Variants in NKAIN2 observed in about 807,000 individuals in gnomAD.
NKAIN2 encodes the protein sodium/potassium transporting ATPase interacting 2.
NKAIN2 carries 14 observed loss-of-function variants against 32.6 expected under a neutral mutation model. The ratio of observed to expected loss-of-function variants is 0.43; its 90% CI spans 0.28 to 0.67. The LOEUF is 0.67. Ranked by LOEUF, NKAIN2 falls within the 30% of genes least tolerant of loss-of-function variation. NKAIN2 has a pLI of 0.17. For synonymous variants in NKAIN2, 80 were observed against 87.2 expected (o/e 0.92, Z 0.46); for missense variants, 198 against 258.3 (o/e 0.77, Z 1.60).
At chr6:124,732,396 G>A (rs920142806) in intron 4 of NKAIN2, among the ~76,000 whole-genome samples, 1 of 152,008 alleles carries the variant, frequency 6.6e-6, no homozygotes, top group Non-Finnish European at 1.5e-5. Flanking sequence ...AGGCTAAGAG[G>A]CAAATAAGGA....
chr6:123,905,097 T>C (rs558949774), intron 1 of NKAIN2, among the ~76,000 whole-genome samples: 17 of 152,268 alleles, frequency 1.1e-4, no homozygotes, highest in Non-Finnish European at 1.8e-4. Flanking sequence ...AGTTGGGTTT[T>C]GTCAAGAATG....
chr6:124,572,505 A>G (rs1781165011), intron 3 of NKAIN2, among the ~76,000 whole-genome samples: 1 of 152,210 alleles, frequency 6.6e-6, no homozygotes. Flanking sequence ...TAAATTATTT[A>G]TTTTCAGAGA....
At chr6:124,664,137 T>C (rs1407147989) in intron 4 of NKAIN2, among the ~76,000 whole-genome samples, 1 of 151,846 alleles carries the variant, frequency 6.6e-6, no homozygotes, top group Admixed American at 6.6e-5. Context: ...TTGCTGGACA[T>C]GGTGGCGGAT....
At chr6:124,264,290 C>A (rs1404315302) in intron 1 of NKAIN2, among the ~76,000 whole-genome samples, 1 of 152,134 alleles carries the variant, frequency 6.6e-6, no homozygotes, top group African/African-American at 2.4e-5. Flanking sequence ...CTCACCTCAG[C>A]AACCACTCCT....
intron 2 of NKAIN2, among the ~76,000 whole-genome samples, chr6:124,323,784 CTTTTTTT>C (rs1188944631): frequency 3.5e-5 from 4 of 115,932 alleles, no homozygotes; most frequent in Admixed American, 8.7e-5. Flanking sequence ...TTAATTTTTT[CTTTTTTT>C]TTTTTTTTTT....
chr6:124,625,700 CTTTATTTATTTA>C (rs144587539), intron 3 of NKAIN2, among the ~76,000 whole-genome samples: 12 of 122,846 alleles, frequency 9.8e-5, no homozygotes, highest in Middle Eastern at 4.0e-3. Flanking sequence ...GCTGAAGATG[CTTTATTTATTTA>C]TTTATTTATT....
intron 3 of NKAIN2, among the ~76,000 whole-genome samples, chr6:124,560,243 T>G (rs1780639091): frequency 6.6e-6 from 1 of 152,130 alleles, no homozygotes; most frequent in Admixed American, 6.5e-5. Context: ...AGTGAGTCAG[T>G]TCTCTTGAGA....
At chr6:123,863,949 A>T (rs1233817477) in intron 1 of NKAIN2, among the ~76,000 whole-genome samples, 1 of 152,178 alleles carries the variant, frequency 6.6e-6, no homozygotes, top group African/African-American at 2.4e-5. Context: ...AGGAGTTCAG[A>T]TTTAACACTT....
At chr6:123,986,935 C>T (rs1014842311) in intron 1 of NKAIN2, among the ~76,000 whole-genome samples, 1 of 152,058 alleles carries the variant, frequency 6.6e-6, no homozygotes, top group Non-Finnish European at 1.5e-5. Flanking sequence ...AAGATGGAAT[C>T]CTTGGTGTGG....
intron 3 of NKAIN2, among the ~76,000 whole-genome samples, chr6:124,358,177 G>T (rs923756471): frequency 2.0e-5 from 3 of 152,116 alleles, no homozygotes; most frequent in South Asian, 2.1e-4. Flanking sequence ...GTCTATCATT[G>T]TTGGACATCT....
At chr6:124,382,181 C>T (rs1772675060) in intron 3 of NKAIN2, among the ~76,000 whole-genome samples, 1 of 151,774 alleles carries the variant, frequency 6.6e-6, no homozygotes, top group Admixed American at 6.6e-5. Flanking sequence ...TATATCCAAT[C>T]AATATATTAT....
chr6:124,668,247 C>A (rs929000932), intron 4 of NKAIN2, among the ~76,000 whole-genome samples: 3 of 152,240 alleles, frequency 2.0e-5, no homozygotes, highest in Admixed American at 2.0e-4. Flanking sequence ...TTGGTTAGTG[C>A]TAATTGCAAA....
At chr6:124,322,206 G>A (rs538055960) in intron 2 of NKAIN2, among the ~76,000 whole-genome samples, 3 of 152,216 alleles carry the variant, frequency 2.0e-5, no homozygotes, top group East Asian at 3.9e-4. Context: ...AAATTATAGA[G>A]CATTACACTT....
At chr6:124,153,869 T>C (rs1787852083) in intron 1 of NKAIN2, among the ~76,000 whole-genome samples, 1 of 151,548 alleles carries the variant, frequency 6.6e-6, no homozygotes, top group Non-Finnish European at 1.5e-5. Flanking sequence ...TACATAAATA[T>C]AATGAGAGTG....
chr6:124,707,165 T>C (rs1775130956), intron 4 of NKAIN2, among the ~76,000 whole-genome samples: 1 of 152,134 alleles, frequency 6.6e-6, no homozygotes, highest in Admixed American at 6.5e-5. Context: ...ACAAAGGACA[T>C]GAACTCATCA....
chr6:123,941,487 A>G (rs1431188329), intron 1 of NKAIN2, among the ~76,000 whole-genome samples: 1 of 151,804 alleles, frequency 6.6e-6, no homozygotes, highest in Non-Finnish European at 1.5e-5. Context: ...TCTCACCGCT[A>G]TGTTATGATG....
intron 1 of NKAIN2, among the ~76,000 whole-genome samples, chr6:123,846,449 A>C (rs1053515458): frequency 6.6e-5 from 10 of 152,178 alleles, no homozygotes; most frequent in African/African-American, 2.2e-4. Context: ...TAAAATCTCT[A>C]CCCCATGGGT....
At chr6:124,701,177 A>ACACC (rs1774772376) in intron 4 of NKAIN2, among the ~76,000 whole-genome samples, 1 of 150,744 alleles carries the variant, frequency 6.6e-6, no homozygotes, top group African/African-American at 2.4e-5. Context: ...ACACACACAC[A>ACACC]CCGGATGACA....
intron 3 of NKAIN2, among the ~76,000 whole-genome samples, chr6:124,448,412 A>G (rs1024689844): frequency 3.3e-5 from 5 of 152,150 alleles, no homozygotes; most frequent in Admixed American, 1.3e-4. Context: ...AGACTTGTCA[A>G]TTCCCTTCAA....
Sources: gnomAD v4.1 joint callset for allele counts (sites outside exome capture counted in the v4.1 genomes callset) on GRCh38, gnomAD v4.1.1 for gene constraint, MANE v1.5 for transcripts, NCBI Gene and HGNC (gene_info 2026-07-23, HGNC 2026-07-21) for gene names.